PCDH15: variants seen among roughly 807,000 people sequenced by gnomAD.
PCDH15 encodes protocadherin-15.
Under a neutral mutation model 178.5 loss-of-function variants are expected in PCDH15, and 129 were observed. The ratio of observed to expected loss-of-function variants is 0.72; its 90% CI spans 0.63 to 0.84. The LOEUF is 0.84. PCDH15 is among the 40% of genes least tolerant of loss of function. The pLI, the probability that PCDH15 is intolerant of heterozygous loss-of-function variation, is 0.00. For missense variants in PCDH15, 2,230 were observed against 2,099.9 expected, an observed-to-expected ratio of 1.06 and a Z score of -1.21; for synonymous variants, 800 against 732.0, an observed-to-expected ratio of 1.09 and a Z score of -1.50.
intron 1 of PCDH15, among the ~76,000 whole-genome samples, chr10:55,288,120 CTGT>C (rs1842918382): frequency 6.6e-6 from 1 of 150,498 alleles, no homozygotes; most frequent in Admixed American, 6.7e-5. Flanking sequence ...AAATATTCTT[CTGT>C]TTTTCACATT....
At chr10:54,735,619 A>G (rs1002713889) in intron 1 of PCDH15, among the ~76,000 whole-genome samples, 1 of 133,010 alleles carries the variant, frequency 7.5e-6, no homozygotes, top group African/African-American at 2.8e-5. Context: ...ACCAAGCCAA[A>G]TGTCCAACAA....
At chr10:54,646,224 T>C (rs2135089569) in intron 2 of PCDH15, among the ~76,000 whole-genome samples, 1 of 152,262 alleles carries the variant, frequency 6.6e-6, no homozygotes. Flanking sequence ...ACTTTCGCAG[T>C]ATAAATAACA....
intron 15 of PCDH15, among the ~76,000 whole-genome samples, chr10:54,132,138 C>T (rs894028861): frequency 5.9e-5 from 9 of 152,090 alleles, no homozygotes; most frequent in East Asian, 5.8e-4. Flanking sequence ...GAAAATAGTA[C>T]GTCATCTTAT....
intron 2 of PCDH15, among the ~76,000 whole-genome samples, chr10:55,045,259 A>G (rs1840970314): frequency 6.6e-6 from 1 of 152,100 alleles, no homozygotes; most frequent in African/African-American, 2.4e-5. Context: ...TATAGAACGT[A>G]GATGACTCAA....
At position 54,355,120 on chromosome 10, in the gene PCDH15, C is replaced by CAAAAAAAAAA. The variant is rs770404490; in HGVS notation, c.475-8646_475-8637dup. On this transcript the variant is annotated intron_variant, in intron 5 of 37. Transcript: ENST00000644397. ...GCGTATTTCCAAAACAGGAGGATTG[C>CAAAAAAAAAA]AAAAAAAAAAAAAAAAAAAAAAAAA... Among the ~76,000 whole-genome samples the CAAAAAAAAAA allele has an allele frequency of 4.2e-3, 292 of 69,826 alleles. 3 individuals carry two copies. The highest frequency in any genetic ancestry group is 6.5e-3 in the Admixed American group (31 of 4,736). The allele number at this position is 69,826 out of a possible 152,430, so 45.8% of individuals were successfully genotyped here. A position where few individuals can be genotyped will look rare whatever the true frequency, so the allele number is the denominator to read the frequency against.
At chr10:55,038,477 T>C (rs765225827) in intron 2 of PCDH15, among the ~76,000 whole-genome samples, 1 of 152,202 alleles carries the variant, frequency 6.6e-6, no homozygotes, top group Non-Finnish European at 1.5e-5. Flanking sequence ...TTTCTTATGC[T>C]AACCAATGGT....
intron 21 of PCDH15, among the ~76,000 whole-genome samples, chr10:53,968,704 G>A (rs1564887694): frequency 6.6e-6 from 1 of 152,184 alleles, no homozygotes; most frequent in Non-Finnish European, 1.5e-5. Flanking sequence ...AATGTTTGCT[G>A]TTCTGCAGCC....
At chr10:54,388,182 C>A (rs1950138761) in intron 3 of PCDH15, among the ~76,000 whole-genome samples, 1 of 152,168 alleles carries the variant, frequency 6.6e-6, no homozygotes, top group African/African-American at 2.4e-5. Flanking sequence ...CAATTATCCC[C>A]CACAAGTATG....
At chr10:53,827,580 C>T in intron 31 of PCDH15, 32 bp from the exon 32 acceptor site, 1 of 1,613,458 alleles carries the variant, frequency 6.2e-7, no homozygotes, top group Non-Finnish European at 8.5e-7. Flanking sequence ...TTGTAAAACT[C>T]ATTTTAGAAA....
intron 1 of PCDH15, among the ~76,000 whole-genome samples, chr10:54,726,610 G>A (rs1179727483): frequency 2.6e-5 from 4 of 151,438 alleles, no homozygotes; most frequent in East Asian, 1.9e-4. Flanking sequence ...GAAGATCATC[G>A]AGATTCACAA....
chr10:54,932,097 A>C (rs779962170), intron 2 of PCDH15, among the ~76,000 whole-genome samples: 1 of 152,224 alleles, frequency 6.6e-6, no homozygotes, highest in Non-Finnish European at 1.5e-5. Flanking sequence ...TTACTACAGC[A>C]TACTTTTAAT....
intron 2 of PCDH15, among the ~76,000 whole-genome samples, chr10:55,578,423 G>A (rs1842537766): frequency 6.6e-6 from 1 of 151,992 alleles, no homozygotes; most frequent in Non-Finnish European, 1.5e-5. Context: ...GTTTCACCAT[G>A]TTAGCCAGGA....
intron 2 of PCDH15, among the ~76,000 whole-genome samples, chr10:55,066,732 T>C (rs939864399): frequency 1.3e-5 from 2 of 150,996 alleles, no homozygotes; most frequent in African/African-American, 4.8e-5. Flanking sequence ...ATTGTTCCTT[T>C]CTCTCAAAAC....
chr10:54,878,407 A>T (rs1047722821), intron 3 of PCDH15, among the ~76,000 whole-genome samples: 1 of 152,218 alleles, frequency 6.6e-6, no homozygotes, highest in African/African-American at 2.4e-5. Flanking sequence ...AAATATGCAG[A>T]TATTCCACAA....
chr10:54,830,427 C>G (rs930689499), intron 3 of PCDH15, among the ~76,000 whole-genome samples: 3 of 152,094 alleles, frequency 2.0e-5, no homozygotes, highest in Admixed American at 6.6e-5. Context: ...AGTTCATGTC[C>G]TTTGTAGGGA....
chr10:54,505,096 T>C (rs1251203351), intron 3 of PCDH15, among the ~76,000 whole-genome samples: 1 of 152,110 alleles, frequency 6.6e-6, no homozygotes, highest in Non-Finnish European at 1.5e-5. Context: ...CTTCTGCTTA[T>C]AGTGACTGTA....
At chr10:54,007,244 A>G (rs1262243475) in intron 20 of PCDH15, among the ~76,000 whole-genome samples, 1 of 152,148 alleles carries the variant, frequency 6.6e-6, no homozygotes, top group Non-Finnish European at 1.5e-5. Flanking sequence ...GGATCTTTTA[A>G]AATTGTTTAG....
At chr10:54,884,272 G>A (rs568621486) in intron 3 of PCDH15, among the ~76,000 whole-genome samples, 2 of 151,914 alleles carry the variant, frequency 1.3e-5, no homozygotes, top group African/African-American at 4.8e-5. Flanking sequence ...TTAGTGCCTG[G>A]GGATAATTTC....
chr10:54,470,377 G>T (rs886673724), intron 3 of PCDH15, among the ~76,000 whole-genome samples: 17 of 152,130 alleles, frequency 1.1e-4, no homozygotes, highest in Admixed American at 9.8e-4. Flanking sequence ...AGCAACAGTA[G>T]CCACCAGTGG....
Sources: allele counts gnomAD v4.1 joint callset (sites outside exome capture counted in the v4.1 genomes callset), GRCh38; gene constraint gnomAD v4.1.1; transcripts MANE v1.5; gene names NCBI Gene and HGNC (gene_info 2026-07-23, HGNC 2026-07-21).